The following RBFOX1 variants were observed in gnomAD, a reference collection of about 807,000 sequenced individuals.
RBFOX1 encodes the protein RNA binding protein fox-1 homolog 1.
RBFOX1 carries 8 observed loss-of-function variants against 57.7 expected under a neutral mutation model. The observed-to-expected ratio is 0.14, with a 90% CI of 0.08 to 0.25. RBFOX1 has a LOEUF of 0.25. Among genes scored for constraint, RBFOX1 ranks in the 10% least tolerant of loss-of-function variants. The probability of loss-of-function intolerance (pLI) is 1.00; values close to 1 mark genes in which losing one functional copy is unlikely to be tolerated. For missense variants in RBFOX1, 611 were observed against 548.5 expected, an observed-to-expected ratio of 1.11 and a Z score of -1.14; for synonymous variants, 326 against 222.4, an observed-to-expected ratio of 1.47 and a Z score of -4.15.
At chr16:7,317,145 G>A in intron 4 of RBFOX1, among the ~76,000 whole-genome samples, 1 of 152,098 alleles carries the variant, frequency 6.6e-6, no homozygotes, top group East Asian at 1.9e-4. Flanking sequence ...CGATACTACT[G>A]GTGCAAGCTG....
At position 5,729,289 on chromosome 16, in the gene RBFOX1, A is replaced by G. The variant is rs146540965; in HGVS notation, c.318+130328A>G. 5.2e-3 allele frequency among the ~76,000 whole-genome samples: 798 copies of G among 152,324 alleles called. 2 individuals carry two copies. Among genetic ancestry groups the G allele is most frequent in the Non-Finnish European group, 9.1e-3 (618 of 68,024 alleles). ...TAAGTTCTAAATCAGAGCTGGAAGC[A>G]AAATATGTGAGCAAGTCAGAAGTTT... On this transcript the variant is annotated intron_variant, in intron 3 of 19. Coordinates refer to the RBFOX1 transcript ENST00000641259.
At chr16:6,451,595 C>G (rs1350671951) in intron 2 of RBFOX1, among the ~76,000 whole-genome samples, 1 of 152,176 alleles carries the variant, frequency 6.6e-6, no homozygotes, top group Admixed American at 6.5e-5. Context: ...GGAAATAATT[C>G]ACCACTCTCT....
intron 3 of RBFOX1, among the ~76,000 whole-genome samples, chr16:5,700,846 C>A: frequency 6.6e-6 from 1 of 152,120 alleles, no homozygotes; most frequent in Non-Finnish European, 1.5e-5. Context: ...ATCTGTGAAC[C>A]AGTCATAGGC....
intron 4 of RBFOX1, among the ~76,000 whole-genome samples, chr16:7,420,130 G>A (rs2098526230): frequency 6.6e-6 from 1 of 151,984 alleles, no homozygotes; most frequent in East Asian, 1.9e-4. Flanking sequence ...GTTAGATGTG[G>A]GTAACGTTTG....
At chr16:7,058,017 A>AAAC (rs1568581312) in intron 4 of RBFOX1, among the ~76,000 whole-genome samples, 1 of 151,516 alleles carries the variant, frequency 6.6e-6, no homozygotes, top group African/African-American at 2.4e-5. Context: ...AAAAAAAAAA[A>AAAC]AAAAACACGA....
intron 1 of RBFOX1, among the ~76,000 whole-genome samples, chr16:5,244,052 A>G (rs2062234498): frequency 6.6e-6 from 1 of 151,920 alleles, no homozygotes; most frequent in South Asian, 2.1e-4. Context: ...CCCCACCACC[A>G]CAGCCGGCTA....
At chr16:7,606,408 A>C (rs2095288459) in intron 9 of RBFOX1, among the ~76,000 whole-genome samples, 1 of 152,184 alleles carries the variant, frequency 6.6e-6, no homozygotes, top group Admixed American at 6.5e-5. Flanking sequence ...GGCATGAGCC[A>C]CTTCACCCAG....
intron 1 of RBFOX1, among the ~76,000 whole-genome samples, chr16:5,311,025 G>A (rs910202662): frequency 6.6e-6 from 1 of 152,106 alleles, no homozygotes; most frequent in Non-Finnish European, 1.5e-5. Context: ...CATTGTCTGT[G>A]ATACCACTCT....
Position 6,861,614 on chromosome 16 carries a change from C to G in RBFOX1, c.-15-190443C>G, listed in dbSNP as rs140003837. 6.6e-5 allele frequency among the ~76,000 whole-genome samples: 10 copies of G among 152,058 alleles called. 1 individual carries two copies. In the South Asian group the frequency reaches 1.7e-3, roughly 25 times the overall value. On this transcript the variant is annotated intron_variant, in intron 3 of 15. Coordinates refer to ENST00000550418, the MANE Select transcript of RBFOX1 (RefSeq NM_018723.4). ...GTACTAAGTTGTTCCAGTAAACAGC[C>G]TCTACATTGGGTCTTTATGTTGCAA...
At chr16:7,539,164 C>A (rs1384364725) in intron 5 of RBFOX1, among the ~76,000 whole-genome samples, 2 of 152,096 alleles carry the variant, frequency 1.3e-5, no homozygotes, top group African/African-American at 4.8e-5. Context: ...GAATGTGAAA[C>A]CGTCTTGAGT....
intron 4 of RBFOX1, among the ~76,000 whole-genome samples, chr16:5,910,642 G>A (rs1338114094): frequency 6.6e-6 from 1 of 152,174 alleles, no homozygotes; most frequent in Non-Finnish European, 1.5e-5. Flanking sequence ...TTTGGTCCTA[G>A]GAGGTGAGGG....
intron 1 of RBFOX1, among the ~76,000 whole-genome samples, chr16:6,100,195 C>G (rs2096287412): frequency 6.6e-6 from 1 of 151,706 alleles, no homozygotes. Context: ...CGGAGTCTTG[C>G]TCTGTCACCC....
intron 4 of RBFOX1, among the ~76,000 whole-genome samples, chr16:7,105,982 A>G (rs114315524): frequency 3.2e-4 from 49 of 152,282 alleles, no homozygotes; most frequent in Admixed American, 1.0e-3. Flanking sequence ...TGACAACTCT[A>G]TGAAACTACT....
At chr16:5,558,248 A>T (rs2045754105) in intron 2 of RBFOX1, among the ~76,000 whole-genome samples, 1 of 152,092 alleles carries the variant, frequency 6.6e-6, no homozygotes, top group Admixed American at 6.5e-5. Flanking sequence ...TGATTAACAC[A>T]CAAGCTGTCT....
intron 15 of RBFOX1, 47 bp downstream of exon 15, chr16:7,709,178 C>T (rs779552416): frequency 7.8e-6 from 12 of 1,528,664 alleles, no homozygotes; most frequent in Non-Finnish European, 7.2e-6. Context: ...GCCTCCCTTC[C>T]CTTTCCCCAG....
chr16:6,365,182 C>A (rs951813737), intron 2 of RBFOX1, among the ~76,000 whole-genome samples: 6 of 152,024 alleles, frequency 3.9e-5, no homozygotes, highest in African/African-American at 1.4e-4. Context: ...CTGGTAGGGC[C>A]CTCTCTTCTT....
At chr16:7,101,751 C>A (rs1383510243) in intron 4 of RBFOX1, among the ~76,000 whole-genome samples, 2 of 152,090 alleles carry the variant, frequency 1.3e-5, no homozygotes, top group Admixed American at 6.5e-5. Context: ...AGGTTCTGCT[C>A]TGATGCCTGT....
At chr16:6,204,583 C>T (rs1394341276) in intron 1 of RBFOX1, among the ~76,000 whole-genome samples, 6 of 152,058 alleles carry the variant, frequency 3.9e-5, no homozygotes, top group Non-Finnish European at 8.8e-5. Context: ...GAAGTGGGAG[C>T]ATCATGATGG....
At chr16:5,957,742 T>G (rs1166204547) in intron 4 of RBFOX1, among the ~76,000 whole-genome samples, 6 of 152,206 alleles carry the variant, frequency 3.9e-5, no homozygotes, top group Non-Finnish European at 8.8e-5. Context: ...GATACACGCA[T>G]GCAATGTACC....
Sources: allele counts gnomAD v4.1 joint callset (sites outside exome capture counted in the v4.1 genomes callset), GRCh38; gene constraint gnomAD v4.1.1; transcripts MANE v1.5; gene names NCBI Gene and HGNC (gene_info 2026-07-23, HGNC 2026-07-21).